EOGT: variants seen among roughly 807,000 people sequenced by gnomAD.
EOGT encodes the protein EGF domain specific O-linked N-acetylglucosamine transferase, also known as EGF domain-specific O-linked N-acetylglucosamine transferase.
Under a neutral mutation model 70.5 loss-of-function variants are expected in EOGT, and 55 were observed. That is an observed-to-expected ratio of 0.78 (90% CI 0.63 to 0.98). EOGT has a LOEUF of 0.98. Ranked by LOEUF, EOGT falls within the 50% of genes least tolerant of loss-of-function variation. The probability of loss-of-function intolerance (pLI) is 0.00; values close to 1 mark genes in which losing one functional copy is unlikely to be tolerated. For synonymous variants in EOGT, 246 were observed against 217.1 expected, an observed-to-expected ratio of 1.13 and a Z score of -1.17; for missense variants, 703 against 641.9, an observed-to-expected ratio of 1.10 and a Z score of -1.03.
At chr3:68,999,280 T>C (rs2091237794) in intron 9 of EOGT, among the ~76,000 whole-genome samples, 3 of 152,204 alleles carry the variant, frequency 2.0e-5, no homozygotes, top group Admixed American at 1.3e-4. Context: ...CTAGGTCAGA[T>C]AGAGTGGAGA....
In EOGT at chr3:68,998,079, T is replaced by G; in HGVS notation, c.763A>C (p.Asn255His). 1 of 1,600,458 alleles carries G rather than the reference T, an allele frequency of 6.2e-7. No individual in the cohort carries two copies. The highest frequency in any genetic ancestry group is 8.5e-7 in the Non-Finnish European group (1 of 1,172,722). ...TTAACGTGCTGAGTAATATAAAGAT[T>G]GATGAAATCACAGAAGTGGTGATAC... is the stretch of plus-strand genomic sequence containing the variant. Reference protein sequence around the residue: ...NMYHHFCDFINLYITQHVNNS... With the variant: ...NMYHHFCDFIHLYITQHVNNS... The change falls in exon 10 of 18, where the codon AAT becomes CAT. Residue 255 changes from asparagine to histidine, a missense_variant. Transcript: ENST00000383701.
intron 14 of EOGT, among the ~76,000 whole-genome samples, chr3:68,984,243 G>C (rs369039205): frequency 6.7e-6 from 1 of 149,500 alleles, no homozygotes; most frequent in African/African-American, 2.5e-5. Flanking sequence ...ACACACACAC[G>C]CACACAGTCA....
rs1449759755 is a variant in EOGT, at chr3:68,998,082, T to C, written c.760A>G (p.Ile254Val). 3.1e-6 allele frequency: 5 copies of C among 1,599,820 alleles called. No individual in the cohort carries two copies. Among genetic ancestry groups the C allele is most frequent in the Middle Eastern group, 1.7e-4 (1 of 6,054 alleles). The change falls in exon 10 of 18, where the codon ATC (isoleucine) becomes GTC (valine). Residue 254 changes from isoleucine (I) to valine (V), a missense_variant. Physicochemically the swap from Ile to Val is conservative, Grantham distance 29. Transcript: ENST00000383701. ...VNMYHHFCDFINLYITQHVNN... is the reference protein window; with the variant it reads ...VNMYHHFCDFVNLYITQHVNN... Reference sequence around the variant, plus strand: ...ACGTGCTGAGTAATATAAAGATTGATGAAATCACAGAAGTGGTGATACATG... The same window carrying C: ...ACGTGCTGAGTAATATAAAGATTGACGAAATCACAGAAGTGGTGATACATG...
At chr3:68,998,156 G>A (rs1238710545) in intron 9 of EOGT, 42 bp from the exon 10 acceptor site, 1 of 1,098,572 alleles carries the variant, frequency 9.1e-7, no homozygotes, top group East Asian at 2.4e-5. Flanking sequence ...ACACCAAAGA[G>A]CACATGATCA....
intron 3 of EOGT, among the ~76,000 whole-genome samples, chr3:69,011,586 A>C (rs1359225248): frequency 4.4e-5 from 5 of 113,752 alleles, no homozygotes; most frequent in African/African-American, 1.7e-4. Context: ...TGCGAGGGAG[A>C]CTCTGTCTCA....
intron 3 of EOGT, 75 bp from the exon 4 acceptor site, chr3:69,009,935 A>AC (rs1391836412): frequency 0.035 from 15,325 of 434,356 alleles, 27 homozygotes; most frequent in East Asian, 0.071. Flanking sequence ...AACAACAACA[A>AC]AAAAAAAAAA....
intron 17 of EOGT, among the ~76,000 whole-genome samples, chr3:68,977,966 C>T (rs568378677): frequency 2.0e-5 from 3 of 152,348 alleles, no homozygotes; most frequent in Admixed American, 6.5e-5. Flanking sequence ...ACTCCACTGT[C>T]GTTGAAGTGC....
intron 17 of EOGT, 43 bp from the exon 18 acceptor site, chr3:68,977,807 G>A: frequency 6.4e-7 from 1 of 1,570,984 alleles, no homozygotes; most frequent in Non-Finnish European, 8.6e-7. Flanking sequence ...CTCAATGAGG[G>A]CATGGTTTTC....
chr3:68,979,683 G>T lies in EOGT; in HGVS notation c.1319C>A (p.Ala440Asp), dbSNP rs1227987746. The stretch of plus-strand genomic sequence containing the variant: ...CAACACTTACAGTTCAAATACAGCA[G>T]CCCAGTCTGGAAGGAAAAGTAAATG... ...LTHLLFLPDWAAVFELYNCED... is the reference protein window; with the variant it reads ...LTHLLFLPDWDAVFELYNCED... The change falls in exon 16 of 18, where the codon GCT becomes GAT. Residue 440 changes from alanine (A) to aspartate (D), a missense_variant. By Grantham distance (126) the Ala-to-Asp change is moderately radical. Transcript: ENST00000383701. 2 of 1,613,652 alleles carry T rather than the reference G, an allele frequency of 1.2e-6. No individual in the cohort carries two copies. The highest frequency in any genetic ancestry group is 1.3e-5 in the African/African-American group (1 of 74,908).
At position 68,975,873 on chromosome 3, in the gene EOGT, C is replaced by A. The variant is rs1221426373; in HGVS notation, c.*1745G>T. ...GGTCCAGATATTTTGTTTTGTGTGTCATTTTTCTGATGGATATTTTTTACA... is the reference window on the plus strand; with the variant it reads ...GGTCCAGATATTTTGTTTTGTGTGTAATTTTTCTGATGGATATTTTTTACA... On this transcript the variant is annotated 3_prime_UTR_variant, in exon 18 of 18. Transcript: ENST00000383701. 4 of 152,054 alleles carry A rather than the reference C, an allele frequency of 2.6e-5. No homozygotes were observed. Among genetic ancestry groups the A allele is most frequent in the African/African-American group, 7.2e-5 (3 of 41,398 alleles). 9.4% of individuals were successfully genotyped at this position (152,054 alleles called of 1,614,324 possible).
In EOGT at chr3:69,001,631, G is replaced by C; in HGVS notation, c.704C>G (p.Thr235Arg). The C allele has an allele frequency of 6.2e-7, 1 of 1,607,442 alleles. No individual in the cohort carries two copies. Among genetic ancestry groups the C allele is most frequent in the Non-Finnish European group, 8.5e-7 (1 of 1,175,866 alleles). Residue 235 changes from threonine to arginine, a missense_variant, in exon 9 of 18, where the codon ACA (threonine) becomes AGA (arginine). Transcript: ENST00000383701. ...ACCTGCATCTAATTTCATGAAATAT[G>C]TTGGTTTTTCAATGACAATGTCACA... The part of the protein sequence containing the change: ...AKCDIVIEKP[T>R]YFMKLDAGVN...
chr3:68,987,243 G>A (rs2090837050), intron 14 of EOGT, among the ~76,000 whole-genome samples: 1 of 152,154 alleles, frequency 6.6e-6, no homozygotes, highest in Non-Finnish European at 1.5e-5. Context: ...TTTACTATAA[G>A]GCAAAGCTAG....
At chr3:69,000,047 C>T (rs1459931035) in intron 9 of EOGT, among the ~76,000 whole-genome samples, 1 of 151,844 alleles carries the variant, frequency 6.6e-6, no homozygotes, top group Non-Finnish European at 1.5e-5. Flanking sequence ...TCCATGAGAC[C>T]CCATCTCTAC....
chr3:68,997,679 C>T (rs536509521), intron 10 of EOGT, among the ~76,000 whole-genome samples: 1 of 152,270 alleles, frequency 6.6e-6, no homozygotes, highest in African/African-American at 2.4e-5. Flanking sequence ...GAATGGCAGT[C>T]TTTCATATGT....
At chr3:69,000,526 T>C (rs540771541) in intron 9 of EOGT, among the ~76,000 whole-genome samples, 1 of 152,340 alleles carries the variant, frequency 6.6e-6, no homozygotes, top group East Asian at 1.9e-4. Context: ...CTGAATTTAA[T>C]ACTTTGTAAT....
chr3:68,979,757 G>A lies in EOGT; in HGVS notation c.1245C>T (p.Ile415=). 6.2e-7 allele frequency: 1 copy of A among 1,613,500 alleles called. No homozygotes were observed. Among genetic ancestry groups the A allele is most frequent in the South Asian group, 1.1e-5 (1 of 91,054 alleles). ...RELGFLDQLR[I]THNTDIFIGM... ...CAATAAATATGTCCGTGTTGTGTGT[G>A]ATCCTTAGTTGATCTAAAAACCCAA... Residue 415 remains isoleucine (I), a synonymous_variant, in exon 16 of 18, where the codon ATC becomes ATT. Transcript: ENST00000383701.
rs1380759428 is a variant in EOGT at position 68,976,772 on chromosome 3, G to C, written c.*846C>G. 6.6e-6 allele frequency: 1 copy of C among 151,802 alleles called. No homozygotes were observed. The highest frequency in any genetic ancestry group is 2.5e-5 in the African/African-American group (1 of 40,760). 9.4% of individuals were successfully genotyped at this position (151,802 alleles called of 1,614,324 possible). On this transcript the variant is annotated 3_prime_UTR_variant, in exon 18 of 18. Coordinates refer to ENST00000383701, the MANE Select transcript of EOGT (RefSeq NM_001278689.2). ...ATTTACCCAAATATATCATAAACAA[G>C]TTGGAACACTCTGGAATTACAGTCA...
In EOGT at chr3:69,001,733, A is replaced by G. The variant is rs1186513798; in HGVS notation, c.621-19T>C. ...AGCAAACCTGAAATTATGAATTGGG[A>G]CATGACTTCAAACTGATTCTCCCAA... On this transcript the variant is annotated intron_variant, in intron 8 of 17. Transcript: ENST00000383701. 2.6e-6 allele frequency: 4 copies of G among 1,523,568 alleles called. No individual in the cohort carries two copies. The highest frequency in any genetic ancestry group is 3.4e-5 in the Admixed American group (2 of 58,970). 94.4% of individuals were successfully genotyped at this position (1,523,568 alleles called of 1,614,324 possible).
intron 7 of EOGT, among the ~76,000 whole-genome samples, chr3:69,004,721 C>G (rs551179381): frequency 6.6e-6 from 1 of 152,070 alleles, no homozygotes; most frequent in African/African-American, 2.4e-5. Context: ...CATCCATCCC[C>G]CCACCCATTC....
Sources: allele counts gnomAD v4.1 joint callset (sites outside exome capture counted in the v4.1 genomes callset), GRCh38; gene constraint gnomAD v4.1.1; transcripts MANE v1.5; gene names NCBI Gene and HGNC (gene_info 2026-07-23, HGNC 2026-07-21).